The following RARB variants were observed in gnomAD, a reference collection of about 807,000 sequenced individuals.
The protein encoded by RARB is HBV-activated protein.
A neutral mutation model predicts 51.9 loss-of-function variants in RARB; 17 were observed. That is an observed-to-expected ratio of 0.33 (90% CI 0.22 to 0.49). RARB has a LOEUF of 0.49. RARB is among the 20% of genes least tolerant of loss of function. The pLI is 0.99. For missense variants in RARB, 369 were observed against 550.8 expected (o/e 0.67, Z 3.30); for synonymous variants, 215 against 195.4 (o/e 1.10, Z -0.84).
intron 2 of RARB, among the ~76,000 whole-genome samples, chr3:24,866,533 G>A (rs918945233): frequency 6.6e-6 from 1 of 152,046 alleles, no homozygotes; most frequent in Admixed American, 6.5e-5. Context: ...AATAGGCTTC[G>A]TGGGGGGAAT....
At chr3:25,196,378 T>C (rs1209807848) in intron 5 of RARB, among the ~76,000 whole-genome samples, 1 of 152,150 alleles carries the variant, frequency 6.6e-6, no homozygotes, top group African/African-American at 2.4e-5. Flanking sequence ...GCTTCATCCA[T>C]GTCCCTACAA....
intron 5 of RARB, among the ~76,000 whole-genome samples, chr3:25,188,742 GT>G (rs1290515378): frequency 1.6e-5 from 1 of 61,516 alleles, no homozygotes; most frequent in Non-Finnish European, 3.0e-5. Flanking sequence ...ACATCATCTT[GT>G]TTTTTACCCA....
intron 5 of RARB, among the ~76,000 whole-genome samples, chr3:25,321,693 G>A (rs1704574577): frequency 6.6e-6 from 1 of 151,630 alleles, no homozygotes. Flanking sequence ...TCCCAGCCTG[G>A]GTGGCAGAGT....
intron 3 of RARB, among the ~76,000 whole-genome samples, chr3:25,065,371 C>T (rs1312742618): frequency 6.6e-6 from 1 of 152,088 alleles, no homozygotes; most frequent in Admixed American, 6.6e-5. Context: ...CTAGACATTG[C>T]ATTTAAAAAT....
At chr3:24,906,613 C>T (rs141243485) in intron 2 of RARB, among the ~76,000 whole-genome samples, 8,916 of 151,952 alleles carry the variant, frequency 0.059, 411 homozygotes, top group East Asian at 0.15. Context: ...GAGGTTGAGG[C>T]GGGCAGATCA....
At chr3:25,022,384 A>G (rs1229066826) in intron 2 of RARB, among the ~76,000 whole-genome samples, 1 of 152,210 alleles carries the variant, frequency 6.6e-6, no homozygotes, top group African/African-American at 2.4e-5. Flanking sequence ...CCTTTGTGAG[A>G]CACATCCATA....
chr3:25,488,963 T>C (rs1333295293), intron 2 of RARB, among the ~76,000 whole-genome samples: 1 of 152,192 alleles, frequency 6.6e-6, no homozygotes, highest in East Asian at 1.9e-4. Flanking sequence ...CTCCTCTTTT[T>C]ATCAACTAAA....
intron 2 of RARB, among the ~76,000 whole-genome samples, chr3:24,905,954 G>A (rs1694853068): frequency 6.6e-6 from 1 of 152,180 alleles, no homozygotes; most frequent in South Asian, 2.1e-4. Context: ...AACTAGACAA[G>A]ACAGTGAACT....
intron 2 of RARB, among the ~76,000 whole-genome samples, chr3:24,875,537 T>A (rs1000131570): frequency 2.0e-5 from 3 of 152,158 alleles, no homozygotes; most frequent in Non-Finnish European, 4.4e-5. Flanking sequence ...CTGATGGTAC[T>A]GCCCTGTCTA....
At chr3:24,949,719 C>T (rs1695849624) in intron 2 of RARB, among the ~76,000 whole-genome samples, 1 of 152,316 alleles carries the variant, frequency 6.6e-6, no homozygotes, top group South Asian at 2.1e-4. Flanking sequence ...TGGGATTCCC[C>T]TCTGTGCCGG....
chr3:25,169,262 C>T (rs557333719), intron 4 of RARB, among the ~76,000 whole-genome samples: 7 of 152,010 alleles, frequency 4.6e-5, no homozygotes, highest in East Asian at 1.9e-4. Flanking sequence ...ATGGGGATTC[C>T]GAAAAAAGAG....
At chr3:24,850,984 T>C (rs1702547190) in intron 1 of RARB, among the ~76,000 whole-genome samples, 1 of 152,226 alleles carries the variant, frequency 6.6e-6, no homozygotes, top group African/African-American at 2.4e-5. Flanking sequence ...GGAATGAAGT[T>C]ATCCTTTCTG....
chr3:25,265,975 C>G (rs570496151), intron 5 of RARB, among the ~76,000 whole-genome samples: 2 of 152,184 alleles, frequency 1.3e-5, no homozygotes, highest in African/African-American at 4.8e-5. Context: ...GCTGGCAACT[C>G]TCAACCTAGT....
intron 5 of RARB, among the ~76,000 whole-genome samples, chr3:25,373,091 G>C (rs766577873): frequency 1.3e-5 from 2 of 152,136 alleles, no homozygotes; most frequent in African/African-American, 4.8e-5. Context: ...ATTTGGAAGC[G>C]TTTGTCTGTA....
At chr3:25,311,342 G>A (rs915826129) in intron 5 of RARB, among the ~76,000 whole-genome samples, 1 of 152,212 alleles carries the variant, frequency 6.6e-6, no homozygotes, top group Non-Finnish European at 1.5e-5. Flanking sequence ...TATTAAAAGA[G>A]TCCGCTGATA....
intron 1 of RARB, among the ~76,000 whole-genome samples, chr3:24,838,426 C>A (rs1023638661): frequency 6.6e-6 from 1 of 152,096 alleles, no homozygotes; most frequent in Non-Finnish European, 1.5e-5. Context: ...TTTTGCTTAC[C>A]AGGGCCCATG....
At chr3:25,231,050 T>A (rs1702165204) in intron 5 of RARB, among the ~76,000 whole-genome samples, 1 of 152,130 alleles carries the variant, frequency 6.6e-6, no homozygotes, top group Admixed American at 6.6e-5. Flanking sequence ...AAATACAGAA[T>A]GTGCTTTGTA....
At chr3:25,036,211 G>C (rs1697990323) in intron 2 of RARB, among the ~76,000 whole-genome samples, 1 of 152,102 alleles carries the variant, frequency 6.6e-6, no homozygotes, top group Non-Finnish European at 1.5e-5. Flanking sequence ...TATGAAACAA[G>C]AACCTCCTTG....
At chr3:25,300,389 A>C (rs1269825673) in intron 5 of RARB, among the ~76,000 whole-genome samples, 1 of 152,230 alleles carries the variant, frequency 6.6e-6, no homozygotes, top group African/African-American at 2.4e-5. Flanking sequence ...TGGTCTAACC[A>C]TTAATAGAGA....
Sources: gnomAD v4.1 joint callset for allele counts (sites outside exome capture counted in the v4.1 genomes callset) on GRCh38, gnomAD v4.1.1 for gene constraint, MANE v1.5 for transcripts, NCBI Gene and HGNC (gene_info 2026-07-23, HGNC 2026-07-21) for gene names.